The following WDR48 variants were observed in gnomAD, a reference collection of about 807,000 sequenced individuals.
WDR48 encodes the protein WD repeat domain 48.
In WDR48, 22 loss-of-function variants were observed where a neutral mutation model predicts 94.0. That is an observed-to-expected ratio of 0.23 (90% confidence interval 0.17 to 0.33). WDR48 has a LOEUF of 0.33. Among genes scored for constraint, WDR48 ranks in the 10% least tolerant of loss-of-function variants. The pLI is 1.00. For synonymous variants in WDR48, 278 were observed against 280.5 expected (o/e 0.99, Z 0.09); for missense variants, 541 against 813.8 (o/e 0.66, Z 4.08).
At chr3:39,052,135 T>G in intron 1 of WDR48, 62 bp downstream of exon 1, 1 of 1,600,318 alleles carries the variant, frequency 6.2e-7, no homozygotes, top group Non-Finnish European at 8.5e-7. Flanking sequence ...CCACTCCAGC[T>G]AGAAGGTGCC....
intron 1 of WDR48, among the ~76,000 whole-genome samples, chr3:39,061,117 T>C (rs1171199966): frequency 1.3e-5 from 2 of 152,250 alleles, no homozygotes; most frequent in African/African-American, 2.4e-5. Flanking sequence ...TTAATTATTA[T>C]ACTTCAAGTT....
At chr3:39,054,309 T>C (rs1450504439) in intron 1 of WDR48, among the ~76,000 whole-genome samples, 1 of 152,204 alleles carries the variant, frequency 6.6e-6, no homozygotes, top group East Asian at 1.9e-4. Flanking sequence ...AATTCTTCGC[T>C]GTGTCTGAGG....
chr3:39,077,973 A>T, intron 9 of WDR48, 164 bp from the exon 10 acceptor site: 1 of 548,472 alleles, frequency 1.8e-6, no homozygotes, highest in Non-Finnish European at 3.3e-6. Flanking sequence ...TTTCTTTCTA[A>T]ACGATGATAG....
At chr3:39,084,892 C>A in intron 13 of WDR48, 151 bp downstream of exon 13, 1 of 583,756 alleles carries the variant, frequency 1.7e-6, no homozygotes, top group Non-Finnish European at 2.9e-6. Context: ...CTAATGTATA[C>A]AAATCATTTT....
chr3:39,052,187 GGC>G (rs1483055708), intron 1 of WDR48, 114 bp downstream of exon 1: 1 of 1,316,944 alleles, frequency 7.6e-7, no homozygotes, highest in African/African-American at 1.5e-5. Context: ...GGGCGAACGG[GGC>G]GGGGCGCGGC....
chr3:39,065,130 G>A (rs1164031446), intron 2 of WDR48, among the ~76,000 whole-genome samples: 1 of 152,186 alleles, frequency 6.6e-6, no homozygotes, highest in African/African-American at 2.4e-5. Flanking sequence ...GGTGTAGGAT[G>A]TAACTAAATA....
In WDR48 at chr3:39,094,830, G is replaced by A. The variant is rs958584081; in HGVS notation, c.*87G>A. On this transcript the variant is annotated 3_prime_UTR_variant, in exon 19 of 19. Transcript: ENST00000302313. The stretch of plus-strand genomic sequence containing the variant: ...CCTAGGAAGCCCACTGATCCCCAAC[G>A]GGAGCAAGACTTCTAACGGCTGATT... 3.7e-5 allele frequency: 57 copies of A among 1,521,128 alleles called. No homozygotes were observed. The highest frequency in any genetic ancestry group is 4.9e-5 in the Non-Finnish European group (55 of 1,122,710). The allele number at this position is 1,521,128 out of a possible 1,614,324, so 94.2% of individuals were successfully genotyped here.
chr3:39,081,585 C>T (rs996979546), intron 11 of WDR48, among the ~76,000 whole-genome samples: 4 of 152,192 alleles, frequency 2.6e-5, no homozygotes, highest in Non-Finnish European at 5.9e-5. Context: ...CCCTAAGAAA[C>T]TCATCAGCAG....
chr3:39,088,786 T>C (rs1194410397), intron 15 of WDR48, among the ~76,000 whole-genome samples: 1 of 152,134 alleles, frequency 6.6e-6, no homozygotes, highest in African/African-American at 2.4e-5. Context: ...TACTAGTCTA[T>C]AGGTGCCAGA....
chr3:39,091,549 ATGTTTTCC>A, intron 16 of WDR48, 68 bp from the exon 17 acceptor site: 1 of 1,092,846 alleles, frequency 9.2e-7, no homozygotes, highest in Non-Finnish European at 1.3e-6. Flanking sequence ...CTTGCAAGTC[ATGTTTTCC>A]TATTAACATT....
intron 1 of WDR48, among the ~76,000 whole-genome samples, chr3:39,052,815 G>C (rs558579253): frequency 2.8e-4 from 43 of 152,164 alleles, no homozygotes; most frequent in African/African-American, 1.0e-3. Flanking sequence ...TTTTGTTTGC[G>C]GTTACGCTTA....
chr3:39,074,054 A>T (rs1330269734), intron 7 of WDR48, among the ~76,000 whole-genome samples: 1 of 152,220 alleles, frequency 6.6e-6, no homozygotes, highest in African/African-American at 2.4e-5. Context: ...ATGAGACCCA[A>T]TAATTTATAT....
chr3:39,088,134 G>T lies in WDR48; in HGVS notation c.1481G>T (p.Gly494Val). Residue 494 changes from glycine (G) to valine (V), a missense_variant, in exon 15 of 19, where the codon GGG (glycine) becomes GTG (valine). This residue lies in a region of WDR48 where 238 missense variants were observed against 285.3 expected (regional missense o/e 0.83). Transcript: ENST00000302313. Reference sequence around the variant, plus strand: ...CACCTGCATCTTTTCCTAGTAAATGGGGAGCAGGAGAACCGAGTGCAGAAG... The same window carrying T: ...CACCTGCATCTTTTCCTAGTAAATGTGGAGCAGGAGAACCGAGTGCAGAAG... The part of the protein sequence containing the change: ...EEENEVNHVN[G>V]EQENRVQKGN... 6.2e-7 allele frequency: 1 copy of T among 1,614,026 alleles called. No individual in the cohort carries two copies. The highest frequency in any genetic ancestry group is 8.5e-7 in the Non-Finnish European group (1 of 1,179,976).
At chr3:39,081,428 G>A (rs959167854) in intron 11 of WDR48, among the ~76,000 whole-genome samples, 5 of 152,144 alleles carry the variant, frequency 3.3e-5, no homozygotes, top group Non-Finnish European at 5.9e-5. Flanking sequence ...AGAGGCTTTA[G>A]TTCTTTGAGT....
rs1190018371 is a variant in WDR48, at chr3:39,074,882, T to C, written c.829T>C (p.Tyr277His). Residue 277 changes from tyrosine (Y) to histidine (H), a missense_variant, in exon 8 of 19, where the codon TAT (tyrosine) becomes CAT (histidine). Tyr to His is a moderately conservative substitution (Grantham distance 83). Transcript: ENST00000302313. The part of the protein sequence containing the change: ...VYSGGRDRKI[Y>H]CTDLRNPDIR... ...TTCTGGTGGAAGGGACAGGAAGATT[T>C]ATTGTACAGACCTAAGAAACCCTGA... 6.2e-7 allele frequency: 1 copy of C among 1,614,210 alleles called. No individual in the cohort carries two copies. Among genetic ancestry groups the C allele is most frequent in the Non-Finnish European group, 8.5e-7 (1 of 1,180,022 alleles).
chr3:39,071,428 T>A (rs919473662), intron 7 of WDR48, among the ~76,000 whole-genome samples: 3 of 152,216 alleles, frequency 2.0e-5, no homozygotes, highest in Non-Finnish European at 4.4e-5. Flanking sequence ...TTCAGTTAGC[T>A]TTGCCAGGAT....
In WDR48 at chr3:39,094,053, T is replaced by C. The variant is rs762420123; in HGVS notation, c.1925T>C (p.Leu642Ser). The change falls in exon 18 of 19, where the codon TTG (leucine) becomes TCG (serine). Residue 642 changes from leucine (L) to serine (S), a missense_variant. By Grantham distance (145) the Leu-to-Ser change is moderately radical (BLOSUM62 -2). Transcript: ENST00000302313. The stretch of plus-strand genomic sequence containing the variant: ...TTGGCAGAGGAGAAAATTGAACTTT[T>C]GTGCCAGGACCAGGTAAGTGGACTT... ...AVLAEEKIEL[L>S]CQDQVLDPNM... 1 of 1,611,854 alleles carries C rather than the reference T, an allele frequency of 6.2e-7. No homozygotes were observed. The highest frequency in any genetic ancestry group is 8.5e-7 in the Non-Finnish European group (1 of 1,179,424).
intron 1 of WDR48, among the ~76,000 whole-genome samples, chr3:39,062,319 G>A (rs1016261696): frequency 6.6e-6 from 1 of 152,168 alleles, no homozygotes; most frequent in Admixed American, 6.5e-5. Flanking sequence ...ACTTCTGGCT[G>A]CCAGCCAGCT....
intron 1 of WDR48, among the ~76,000 whole-genome samples, chr3:39,058,845 G>C (rs530741451): frequency 2.6e-5 from 4 of 152,094 alleles, no homozygotes; most frequent in Admixed American, 6.5e-5. Flanking sequence ...GGGAGGCCAA[G>C]GTGGGTGGAT....
Sources: allele counts gnomAD v4.1 joint callset (sites outside exome capture counted in the v4.1 genomes callset), GRCh38; gene constraint gnomAD v4.1.1; regional missense constraint gnomAD v4.1.1; transcripts MANE v1.5; gene names NCBI Gene and HGNC (gene_info 2026-07-23, HGNC 2026-07-21).